The following TMEM150C variants were observed in gnomAD, a reference collection of about 807,000 sequenced individuals.
TMEM150C encodes the protein tentonin 3.
Under a neutral mutation model 29.9 loss-of-function variants are expected in TMEM150C, and 10 were observed. The observed-to-expected ratio is 0.33, with a 90% CI of 0.21 to 0.57. The LOEUF (loss-of-function observed/expected upper bound fraction) is 0.57. Ranked by LOEUF, TMEM150C falls within the 20% of genes least tolerant of loss-of-function variation. The pLI, the probability that TMEM150C is intolerant of heterozygous loss-of-function variation, is 0.88. For synonymous variants in TMEM150C, 101 were observed against 112.5 expected (o/e 0.90, Z 0.64); for missense variants, 251 against 303.6 (o/e 0.83, Z 1.29).
At chr4:82,516,043 G>C (rs1724285994) in intron 1 of TMEM150C, among the ~76,000 whole-genome samples, 1 of 152,016 alleles carries the variant, frequency 6.6e-6, no homozygotes, top group East Asian at 1.9e-4. Context: ...CCTCAGGCCT[G>C]GTTCAGTGAA....
chr4:82,512,563 T>C (rs1393810418), intron 1 of TMEM150C, among the ~76,000 whole-genome samples: 1 of 152,178 alleles, frequency 6.6e-6, no homozygotes, highest in East Asian at 1.9e-4. Context: ...GGAAAATGAA[T>C]GAAGGCTCAT....
rs577023270 is a variant in TMEM150C at position 82,532,625 on chromosome 4, T to C, written c.-10-27958A>G. On this transcript the variant is annotated intron_variant, in intron 1 of 7. Coordinates refer to ENST00000449862, the MANE Select transcript of TMEM150C (RefSeq NM_001080506.3). The stretch of plus-strand genomic sequence containing the variant: ...ATGTGTGTGTATATATGTATGTATA[T>C]ACATACATCTATAATTGTATATACA... 4.6e-5 allele frequency among the ~76,000 whole-genome samples: 7 copies of C among 152,264 alleles called. No homozygotes were observed. The South Asian group carries it at 1.4e-3, about 32-fold the overall frequency.
chr4:82,550,864 T>C (rs1165020806), intron 1 of TMEM150C, among the ~76,000 whole-genome samples: 1 of 151,838 alleles, frequency 6.6e-6, no homozygotes, highest in Non-Finnish European at 1.5e-5. Context: ...GATGCACAGT[T>C]ATGTTCAGAG....
intron 1 of TMEM150C, among the ~76,000 whole-genome samples, chr4:82,530,763 T>G (rs181589994): frequency 1.4e-3 from 212 of 152,324 alleles, no homozygotes; most frequent in African/African-American, 4.9e-3. Flanking sequence ...GAGGTTTTAT[T>G]GGCTCACAGT....
At chr4:82,532,606 G>A (rs72895784) in intron 1 of TMEM150C, among the ~76,000 whole-genome samples, 14,192 of 152,038 alleles carry the variant, frequency 0.093, 742 homozygotes, top group Middle Eastern at 0.22. Flanking sequence ...GGGTATGTGT[G>A]TGTATATATG....
At chr4:82,514,324 T>A (rs938834513) in intron 1 of TMEM150C, among the ~76,000 whole-genome samples, 8 of 152,244 alleles carry the variant, frequency 5.3e-5, no homozygotes, top group Non-Finnish European at 5.9e-5. Flanking sequence ...TAATTGTGTT[T>A]TTCTGCTCCC....
intron 5 of TMEM150C, among the ~76,000 whole-genome samples, chr4:82,501,230 GCT>G (rs762987122): frequency 4.6e-5 from 7 of 152,214 alleles, no homozygotes; most frequent in Non-Finnish European, 8.8e-5. Flanking sequence ...GCTCCTGGCA[GCT>G]CTGAGGCTGA....
intron 7 of TMEM150C, 41 bp downstream of exon 7, chr4:82,490,020 C>T (rs1338124213): frequency 6.3e-7 from 1 of 1,591,448 alleles, no homozygotes; most frequent in South Asian, 1.1e-5. Flanking sequence ...TACTTGTTTT[C>T]ATCTTACTGG....
intron 1 of TMEM150C, among the ~76,000 whole-genome samples, chr4:82,523,751 C>T (rs1352723366): frequency 6.6e-6 from 1 of 151,430 alleles, no homozygotes; most frequent in Non-Finnish European, 1.5e-5. Flanking sequence ...GATCTCAGCT[C>T]ACTGCAACCT....
At chr4:82,489,894 G>A (rs1723275780) in intron 7 of TMEM150C, among the ~76,000 whole-genome samples, 167 bp downstream of exon 7, 1 of 152,048 alleles carries the variant, frequency 6.6e-6, no homozygotes, top group African/African-American at 2.4e-5. Flanking sequence ...TCTCCCCTTT[G>A]GCATGAAAAA....
chr4:82,559,496 A>C (rs1440867012), intron 1 of TMEM150C, among the ~76,000 whole-genome samples: 1 of 152,162 alleles, frequency 6.6e-6, no homozygotes. Flanking sequence ...CGGAGGTTGC[A>C]GTGAGCTGAG....
Position 82,559,040 on chromosome 4 carries a change from C to T in TMEM150C, c.-11+2866G>A, listed in dbSNP as rs147623465. 1.2e-3 allele frequency among the ~76,000 whole-genome samples: 176 copies of T among 152,260 alleles called. 2 individuals carry two copies. In the East Asian group the frequency reaches 0.025, roughly 22 times the overall value. ...TAAAAATGTTCTTTGTTAATTCTCCCCACCCTTGAGAATGTACTTTGTGAG... is the reference window on the plus strand; with the variant it reads ...TAAAAATGTTCTTTGTTAATTCTCCTCACCCTTGAGAATGTACTTTGTGAG... On this transcript the variant is annotated intron_variant, in intron 1 of 7. Coordinates refer to ENST00000449862, the MANE Select transcript of TMEM150C (RefSeq NM_001080506.3).
Position 82,538,702 on chromosome 4 carries a change from G to A in TMEM150C, c.-11+23204C>T, listed in dbSNP as rs931772533. On this transcript the variant is annotated intron_variant, in intron 1 of 7. Coordinates refer to ENST00000449862, the MANE Select transcript of TMEM150C (RefSeq NM_001080506.3). ...AGTTTATCCCAGAAAATTTACAGTT[G>A]TTATTATCAACATGTAATATATTAA... Among the ~76,000 whole-genome samples, 5 of 152,180 alleles carry A rather than the reference G, an allele frequency of 3.3e-5. No homozygotes were observed. In the East Asian group the frequency reaches 9.7e-4, roughly 29 times the overall value.
Position 82,484,736 on chromosome 4 carries a change from T to G in TMEM150C, c.*775A>C, listed in dbSNP as rs1337207232. 3 of 152,134 alleles carry G rather than the reference T, an allele frequency of 2.0e-5. No individual in the cohort carries two copies. Among genetic ancestry groups the G allele is most frequent in the Non-Finnish European group, 4.4e-5 (3 of 68,044 alleles). The allele number at this position is 152,134 out of a possible 1,614,324, so 9.4% of individuals were successfully genotyped here. ...TAGTTACTTAAAAGAAACTATGAAA[T>G]ATAAAACATTGTACATGGCATACTA... On this transcript the variant is annotated 3_prime_UTR_variant, in exon 8 of 8. Coordinates refer to ENST00000449862, the MANE Select transcript of TMEM150C (RefSeq NM_001080506.3).
intron 6 of TMEM150C, 114 bp downstream of exon 6, chr4:82,495,954 G>A: frequency 1.5e-6 from 2 of 1,367,164 alleles, no homozygotes; most frequent in African/African-American, 2.9e-5. Flanking sequence ...TTAAAAAAAG[G>A]TTTGTGCAGA....
chr4:82,510,276 C>G (rs976275192), intron 1 of TMEM150C, among the ~76,000 whole-genome samples: 3 of 151,940 alleles, frequency 2.0e-5, no homozygotes, highest in African/African-American at 7.3e-5. Context: ...AAGACTCTAT[C>G]TCAAAAACAA....
intron 1 of TMEM150C, among the ~76,000 whole-genome samples, chr4:82,510,931 T>A (rs2110073586): frequency 6.6e-6 from 1 of 152,370 alleles, no homozygotes; most frequent in Non-Finnish European, 1.5e-5. Context: ...TATTATCTTA[T>A]CATTCATTTG....
At chr4:82,523,459 G>A (rs1724552944) in intron 1 of TMEM150C, among the ~76,000 whole-genome samples, 1 of 152,192 alleles carries the variant, frequency 6.6e-6, no homozygotes, top group South Asian at 2.1e-4. Context: ...GTGGGGATAT[G>A]TGGGGGTGGC....
chr4:82,560,505 G>T (rs1350434928), intron 1 of TMEM150C, among the ~76,000 whole-genome samples: 1 of 152,164 alleles, frequency 6.6e-6, no homozygotes, highest in East Asian at 1.9e-4. Context: ...CACATTTCTA[G>T]CTCATTAATA....
Sources: gnomAD v4.1 joint callset for allele counts (sites outside exome capture counted in the v4.1 genomes callset) on GRCh38, gnomAD v4.1.1 for gene constraint, MANE v1.5 for transcripts, NCBI Gene and HGNC (gene_info 2026-07-23, HGNC 2026-07-21) for gene names.